The following MTRR variants were observed in gnomAD, a reference collection of about 807,000 sequenced individuals.
MTRR encodes the protein methionine synthase reductase.
A neutral mutation model predicts 79.2 loss-of-function variants in MTRR; 63 were observed. The ratio of observed to expected loss-of-function variants is 0.80; its 90% CI spans 0.65 to 0.98. The LOEUF is 0.98. Among genes scored for constraint, MTRR ranks in the 50% least tolerant of loss-of-function variants. The pLI, the probability that MTRR is intolerant of heterozygous loss-of-function variation, is 0.00. For synonymous variants in MTRR, 355 were observed against 313.3 expected (o/e 1.13, Z -1.41); for missense variants, 895 against 839.6 (o/e 1.07, Z -0.82).
chr5:7,852,531 T>G (rs1343199507), intron 1 of MTRR, among the ~76,000 whole-genome samples: 1 of 152,096 alleles, frequency 6.6e-6, no homozygotes, highest in Non-Finnish European at 1.5e-5. Flanking sequence ...CTGCCCACCA[T>G]GTCTCTAAGC....
At chr5:7,868,999 C>T, upstream of MTRR, 1 of 1,025,962 alleles carries the variant, frequency 9.7e-7, no homozygotes, top group South Asian at 1.3e-5. Flanking sequence ...CGGGCAATCA[C>T]TCCGGGTGGT....
intron 2 of MTRR, among the ~76,000 whole-genome samples, chr5:7,872,067 A>G (rs1252552770): frequency 6.6e-6 from 1 of 152,122 alleles, no homozygotes. Flanking sequence ...GGTTTCGTCT[A>G]GCTGTTCATA....
intron 12 of MTRR, 87 bp from the exon 13 acceptor site, chr5:7,896,777 A>C: frequency 7.0e-6 from 7 of 1,006,762 alleles, no homozygotes; most frequent in Non-Finnish European, 1.1e-5. Context: ...AATCCGTCTG[A>C]GTTTGTTGGT....
upstream of MTRR, chr5:7,868,200 GAAAAAAAAAAA>G: frequency 1.3e-5 from 3 of 222,560 alleles, no homozygotes; most frequent in South Asian, 1.2e-4. Flanking sequence ...CGAGTATCTG[GAAAAAAAAAAA>G]AAAAAAAAAA....
In MTRR at chr5:7,896,862, A is replaced by G. The variant is rs1181934270; in HGVS notation, c.1677-2A>G. On this transcript the variant is annotated splice_acceptor_variant, in intron 12 of 14. Transcript: ENST00000440940. LOFTEE classifies it high-confidence loss of function. ...ACCTAAACTTTTTTTTTTTCCACTTAGAGAGAAACTCCAAGAACAACACCC... is the reference window on the plus strand; with the variant it reads ...ACCTAAACTTTTTTTTTTTCCACTTGGAGAGAAACTCCAAGAACAACACCC... 1.9e-6 allele frequency: 3 copies of G among 1,612,584 alleles called. No homozygotes were observed. Among genetic ancestry groups the G allele is most frequent in the Non-Finnish European group, 2.5e-6 (3 of 1,179,120 alleles).
At chr5:7,869,073 C>T (rs111256407), upstream of MTRR, 17 of 1,579,812 alleles carry the variant, frequency 1.1e-5, no homozygotes, top group African/African-American at 6.7e-5. Flanking sequence ...CGACTCAGGG[C>T]GGCGCAATGT....
At chr5:7,871,277 T>C (rs899844220) in intron 2 of MTRR, among the ~76,000 whole-genome samples, 11 of 152,200 alleles carry the variant, frequency 7.2e-5, no homozygotes, top group Non-Finnish European at 1.0e-4. Flanking sequence ...TGTCCCACTT[T>C]TTTCCCCAAA....
chr5:7,886,690 C>A lies in MTRR; in HGVS notation c.1133C>A (p.Ala378Glu). 1 of 1,611,832 alleles carries A rather than the reference C, an allele frequency of 6.2e-7. No individual in the cohort carries two copies. The highest frequency in any genetic ancestry group is 8.5e-7 in the Non-Finnish European group (1 of 1,177,910). Residue 378 changes from alanine to glutamate, a missense_variant, in exon 8 of 15, where the codon GCA becomes GAA. Coordinates refer to ENST00000440940, the MANE Select transcript of MTRR (RefSeq NM_002454.3). ...FIFTWCLEIR[A>E]IPKKAFLRAL... The stretch of plus-strand genomic sequence containing the variant: ...TTTACCTGGTGTCTTGAAATCCGAG[C>A]AATTCCTAAAAAGGTATTTTTTTCT...
intron 3 of MTRR, among the ~76,000 whole-genome samples, chr5:7,874,656 A>G (rs573245258): frequency 6.6e-6 from 1 of 150,904 alleles, no homozygotes; most frequent in South Asian, 2.1e-4. Flanking sequence ...CAACACAGAA[A>G]CATACCACAT....
rs114930926 is a variant in MTRR at position 7,873,421 on chromosome 5, A to G, written c.178A>G (p.Thr60Ala). The G allele has an allele frequency of 5.6e-6, 9 of 1,614,150 alleles. No homozygotes were observed. In the African/African-American group the frequency reaches 6.7e-5, roughly 12 times the overall value. The change falls in exon 3 of 15, where the codon ACG becomes GCG. Residue 60 changes from threonine to alanine, a missense_variant. By Grantham distance (58) the Thr-to-Ala change is moderately conservative. Coordinates refer to ENST00000440940, the MANE Select transcript of MTRR (RefSeq NM_002454.3). ...TCCTCTTGTTGTTGTGGTTTCTACC[A>G]CGGGCACCGGAGACCCACCCGACAC... Reference protein sequence around the residue: ...TAPLVVVVSTTGTGDPPDTAR... With the variant: ...TAPLVVVVSTAGTGDPPDTAR...
At chr5:7,859,937 T>C (rs892092207) in intron 1 of MTRR, among the ~76,000 whole-genome samples, 1 of 151,806 alleles carries the variant, frequency 6.6e-6, no homozygotes, top group African/African-American at 2.4e-5. Context: ...TGCTGGAAGG[T>C]AGGTATTCAG....
At chr5:7,866,731 A>G, upstream of MTRR, 2 of 1,613,802 alleles carry the variant, frequency 1.2e-6, no homozygotes, top group Non-Finnish European at 1.7e-6. Context: ...ATGAATGAAG[A>G]AGTTTCAATA....
At position 7,897,193 on chromosome 5, in the gene MTRR, G is replaced by A. The variant is rs1294838883; in HGVS notation, c.1898G>A (p.Gly633Asp). Residue 633 changes from glycine (G) to aspartate (D), a missense_variant, in exon 14 of 15, where the codon GGC (glycine) becomes GAC (aspartate). By Grantham distance (94) the Gly-to-Asp change is moderately conservative. Coordinates refer to ENST00000440940, the MANE Select transcript of MTRR (RefSeq NM_002454.3). ...GTGCAAGACAACATCCAGCTTCATGGCCAGCAGGTGGCGAGAATCCTCCTC... is the reference window on the plus strand; with the variant it reads ...GTGCAAGACAACATCCAGCTTCATGACCAGCAGGTGGCGAGAATCCTCCTC... ...KYVQDNIQLH[G>D]QQVARILLQE... 6.2e-7 allele frequency: 1 copy of A among 1,614,002 alleles called. No individual in the cohort carries two copies. The highest frequency in any genetic ancestry group is 1.3e-5 in the African/African-American group (1 of 74,892).
chr5:7,895,827 C>T lies in MTRR; in HGVS notation c.1651C>T (p.Pro551Ser). The change falls in exon 12 of 15, where the codon CCG becomes TCG. Residue 551 changes from proline to serine, a missense_variant. By Grantham distance (74) the Pro-to-Ser change is moderately conservative. Transcript: ENST00000440940. ...GGTGGGTCCAGGAACCGGCATAGCC[C>T]CGTTTATTGGGTTCCTACAACATAG... ...IMVGPGTGIA[P>S]FIGFLQHREK... 1 of 1,614,070 alleles carries T rather than the reference C, an allele frequency of 6.2e-7. No homozygotes were observed.
intron 1 of MTRR, chr5:7,861,617 A>G: frequency 6.2e-7 from 1 of 1,608,096 alleles, no homozygotes; most frequent in Non-Finnish European, 8.5e-7. Flanking sequence ...GTGGATGGCA[A>G]TACAAATCCT....
At chr5:7,896,132 A>T (rs1043544462) in intron 12 of MTRR, among the ~76,000 whole-genome samples, 2 of 152,182 alleles carry the variant, frequency 1.3e-5, no homozygotes, top group Non-Finnish European at 2.9e-5. Flanking sequence ...TATTGGGCAT[A>T]CCTTCGTACT....
At chr5:7,899,531 C>G (rs1259523522) in intron 14 of MTRR, among the ~76,000 whole-genome samples, 2 of 152,168 alleles carry the variant, frequency 1.3e-5, no homozygotes, top group South Asian at 2.1e-4. Flanking sequence ...AGATCTGGTT[C>G]CCTTCAGGAG....
intron 12 of MTRR, among the ~76,000 whole-genome samples, chr5:7,896,164 A>ATCT (rs1738487458): frequency 6.6e-6 from 1 of 152,246 alleles, no homozygotes; most frequent in African/African-American, 2.4e-5. Flanking sequence ...CAGCTGTTGT[A>ATCT]TCTATCCCTT....
At chr5:7,871,609 A>G (rs1748012245) in intron 2 of MTRR, among the ~76,000 whole-genome samples, 1 of 152,234 alleles carries the variant, frequency 6.6e-6, no homozygotes, top group Non-Finnish European at 1.5e-5. Flanking sequence ...TCAACATTTC[A>G]GAGACTGTCC....
Sources: gnomAD v4.1 joint callset for allele counts (sites outside exome capture counted in the v4.1 genomes callset) on GRCh38, gnomAD v4.1.1 for gene constraint, MANE v1.5 for transcripts, NCBI Gene and HGNC (gene_info 2026-07-23, HGNC 2026-07-21) for gene names.